Variants in EP300 observed in about 807,000 individuals in gnomAD.
EP300 encodes the protein EP300 lysine acetyltransferase, also known as histone acetyltransferase p300.
In EP300, 31 loss-of-function variants were observed where a neutral mutation model predicts 264.0. The observed-to-expected ratio is 0.12, with a 90% CI of 0.09 to 0.16. EP300 has a LOEUF of 0.16. Among genes scored for constraint, EP300 ranks in the 10% least tolerant of loss-of-function variants. EP300 has a pLI of 1.00. For missense variants in EP300, 2,766 were observed against 3,052.9 expected (o/e 0.91, Z 2.21); for synonymous variants, 1,340 against 1,045.4 (o/e 1.28, Z -5.44).
chr22:41,173,832 C>G, intron 29 of EP300, 48 bp downstream of exon 29: 2 of 1,610,158 alleles, frequency 1.2e-6, no homozygotes, highest in Admixed American at 1.7e-5. Context: ...AGATTTCTGG[C>G]CAGGCATGGT....
rs376182950 is a variant in EP300, at chr22:41,171,055, T to C, written c.4452+484T>C. Among the ~76,000 whole-genome samples, 15 of 151,948 alleles carry C rather than the reference T, an allele frequency of 9.9e-5. No homozygotes were observed. The East Asian group carries it at 1.9e-3, about 20-fold the overall frequency. On this transcript the variant is annotated intron_variant, in intron 27 of 30. Transcript: ENST00000263253. ...AATTTGATTGCTTTTATTTTGTATA[T>C]TCAAAATTTTTCAATATAAGAAAAA...
intron 4 of EP300, among the ~76,000 whole-genome samples, chr22:41,128,837 T>C (rs2058898773): frequency 6.6e-6 from 1 of 151,894 alleles, no homozygotes; most frequent in African/African-American, 2.4e-5. Context: ...AAAATATTTA[T>C]ACCCCAAAGC....
Position 41,178,993 on chromosome 22 carries a change from TTTCTC to T in EP300, c.*40_*44del, listed in dbSNP as rs751376755. 7.0e-5 allele frequency: 112 copies of T among 1,610,040 alleles called. No homozygotes were observed. Among genetic ancestry groups the T allele is most frequent in the Middle Eastern group, 3.3e-4 (2 of 6,054 alleles). On this transcript the variant is annotated 3_prime_UTR_variant, in exon 31 of 31. Transcript: ENST00000263253. ...AGTATTTTGGGAGCAAAAAAATTAT[TTTCTC>T]TTAACAAGACTTTTTGTACTGAAAA...
rs9619944 is a variant in EP300 at position 41,140,343 on chromosome 22, A to T, written c.1878+86A>T. The stretch of plus-strand genomic sequence containing the variant: ...CCTCTTTAGCATGTACAAGTAGTAC[A>T]TATGCTTCAGACGGGGGACACGCTG... On this transcript the variant is annotated intron_variant, in intron 9 of 30. Coordinates refer to ENST00000263253, the MANE Select transcript of EP300 (RefSeq NM_001429.4). 4.7e-3 allele frequency: 4,335 copies of T among 927,242 alleles called. 122 individuals are homozygous for T. In the African/African-American group the frequency reaches 0.062, roughly 13 times the overall value. The allele number at this position is 927,242 out of a possible 1,614,324, so 57.4% of individuals were successfully genotyped here. A position where few individuals can be genotyped will look rare whatever the true frequency, so the allele number is the denominator to read the frequency against.
At chr22:41,110,957 A>G (rs1569086994) in intron 1 of EP300, among the ~76,000 whole-genome samples, 3 of 143,296 alleles carry the variant, frequency 2.1e-5, no homozygotes, top group Admixed American at 1.4e-4. Flanking sequence ...TATGTTATAA[A>G]TCTTTTTTTT....
chr22:41,158,745 T>TAAC, intron 19 of EP300: 1 of 499,866 alleles, frequency 2.0e-6, no homozygotes, highest in Non-Finnish European at 3.7e-6. Flanking sequence ...ACTTTGTGAG[T>TAAC]TGTTGGCCTA....
At position 41,129,877 on chromosome 22, in the gene EP300, TTCTTC is replaced by T; in HGVS notation, c.1169-8_1169-4del. 1 of 1,605,692 alleles carries T rather than the reference TTCTTC, an allele frequency of 6.2e-7. No homozygotes were observed. The highest frequency in any genetic ancestry group is 1.3e-5 in the African/African-American group (1 of 74,882). ...TAACCTGCTCTTGAAAAAATATGTT[TTCTTC>T]TCTTTAGTGGCACACTGTGCATCTT... On this transcript the variant is annotated splice_region_variant and splice_polypyrimidine_tract_variant and intron_variant, in intron 4 of 30. Transcript: ENST00000263253.
chr22:41,175,053 T>G (rs886793333), intron 29 of EP300, among the ~76,000 whole-genome samples: 1 of 152,066 alleles, frequency 6.6e-6, no homozygotes, highest in African/African-American at 2.4e-5. Flanking sequence ...TGAGTTCTAA[T>G]ACGTTAGGTA....
At chr22:41,154,427 G>A (rs2059065236) in intron 16 of EP300, among the ~76,000 whole-genome samples, 1 of 122,244 alleles carries the variant, frequency 8.2e-6, no homozygotes, top group Non-Finnish European at 1.6e-5. Context: ...TGTTGCCTAG[G>A]CTGGAGTGCA....
intron 7 of EP300, 21 bp from the exon 8 acceptor site, chr22:41,137,632 T>C: frequency 1.2e-6 from 2 of 1,614,150 alleles, no homozygotes; most frequent in Non-Finnish European, 1.7e-6. Context: ...ACTAAAACTA[T>C]TTGGTGACCC....
chr22:41,178,970 T>TAC lies in EP300; in HGVS notation c.*15_*16insCA. The TAC allele has an allele frequency of 6.2e-7, 1 of 1,612,752 alleles. No homozygotes were observed. Among genetic ancestry groups the TAC allele is most frequent in the Non-Finnish European group, 8.5e-7 (1 of 1,179,688 alleles). The stretch of plus-strand genomic sequence containing the variant: ...GACATACACTAGAGACACCTTGTAG[T>TAC]ATTTTGGGAGCAAAAAAATTATTTT... On this transcript the variant is annotated 3_prime_UTR_variant, in exon 31 of 31. Coordinates refer to ENST00000263253, the MANE Select transcript of EP300 (RefSeq NM_001429.4).
intron 19 of EP300, chr22:41,159,067 G>A (rs1569111765): frequency 6.5e-6 from 1 of 154,150 alleles, no homozygotes; most frequent in East Asian, 1.9e-4. Context: ...TCTAATAAAC[G>A]AGGCACCTCT....
chr22:41,094,387 CAG>C (rs1039003434), intron 1 of EP300, among the ~76,000 whole-genome samples: 3 of 152,268 alleles, frequency 2.0e-5, no homozygotes, highest in Middle Eastern at 3.4e-3. Context: ...AATGGGAAGA[CAG>C]AGCTAATGCT....
intron 1 of EP300, among the ~76,000 whole-genome samples, chr22:41,109,739 CG>C (rs1477979646): frequency 6.7e-6 from 1 of 150,256 alleles, no homozygotes; most frequent in Admixed American, 6.6e-5. Context: ...GGGAGGAGGA[CG>C]GGAACGGATG....
At position 41,144,370 on chromosome 22, in the gene EP300, T is replaced by C. The variant is rs540941059; in HGVS notation, c.2054-2369T>C. 1.8e-4 allele frequency among the ~76,000 whole-genome samples: 27 copies of C among 152,228 alleles called. No homozygotes were observed. In the South Asian group the frequency reaches 5.4e-3, roughly 30 times the overall value. On this transcript the variant is annotated intron_variant, in intron 10 of 30. Transcript: ENST00000263253. ...CCTCTAAATATTTATATATATACAT[T>C]TTTGAGATGGGGTCTGTTTCGCCCA...
intron 6 of EP300, among the ~76,000 whole-genome samples, chr22:41,134,106 C>T (rs759965015): frequency 3.7e-4 from 54 of 146,772 alleles, no homozygotes; most frequent in Non-Finnish European, 7.0e-4. Context: ...TCTTTAGATT[C>T]TTCATTCCTG....
In EP300 at chr22:41,170,579, G is replaced by A. The variant is rs772553602; in HGVS notation, c.4452+8G>A. The A allele has an allele frequency of 1.2e-6, 2 of 1,612,666 alleles. No homozygotes were observed. The highest frequency in any genetic ancestry group is 1.3e-5 in the African/African-American group (1 of 74,740). On this transcript the variant is annotated splice_region_variant and intron_variant, in intron 27 of 30. Coordinates refer to ENST00000263253, the MANE Select transcript of EP300 (RefSeq NM_001429.4). ...ATTGTCCATGACTACAAGGTCAGTT[G>A]GGACATAGGGGCCAGGTGCTGACAA... is the stretch of plus-strand genomic sequence containing the variant.
intron 14 of EP300, 82 bp from the exon 15 acceptor site, chr22:41,151,751 C>T (rs1403172170): frequency 2.8e-6 from 4 of 1,410,082 alleles, no homozygotes; most frequent in East Asian, 4.6e-5. Context: ...ATTCTGCTAT[C>T]CTGTTGCTTA....
Position 41,137,805 on chromosome 22 carries a change from G to A in EP300, c.1760+15G>A, listed in dbSNP as rs1488888489. The A allele has an allele frequency of 6.2e-7, 1 of 1,614,060 alleles. No homozygotes were observed. Among genetic ancestry groups the A allele is most frequent in the South Asian group, 1.1e-5 (1 of 91,072 alleles). Reference sequence around the variant, plus strand: ...GTTCACAAACTGTAAGTAAGATTGTGGACACGTCTCATTCGTAAAGAGATG... The same window carrying A: ...GTTCACAAACTGTAAGTAAGATTGTAGACACGTCTCATTCGTAAAGAGATG... On this transcript the variant is annotated intron_variant, in intron 8 of 30. Coordinates refer to ENST00000263253, the MANE Select transcript of EP300 (RefSeq NM_001429.4).
Sources: allele counts gnomAD v4.1 joint callset (sites outside exome capture counted in the v4.1 genomes callset), GRCh38; gene constraint gnomAD v4.1.1; transcripts MANE v1.5; gene names NCBI Gene and HGNC (gene_info 2026-07-23, HGNC 2026-07-21).